The following GPR158 variants were observed in gnomAD, a reference collection of about 807,000 sequenced individuals.
GPR158 encodes the protein metabotropic glycine receptor.
GPR158 carries 30 observed loss-of-function variants against 78.2 expected under a neutral mutation model. The observed-to-expected ratio is 0.38, with a 90% CI of 0.29 to 0.52. The LOEUF (loss-of-function observed/expected upper bound fraction) is 0.52, where lower values mean the gene tolerates loss of function less well. Among genes scored for constraint, GPR158 ranks in the 20% least tolerant of loss-of-function variants. The pLI is 0.83. For missense variants in GPR158, 1,463 were observed against 1,523.5 expected (o/e 0.96, Z 0.66); for synonymous variants, 581 against 591.1 (o/e 0.98, Z 0.25).
chr10:25,543,666 A>G (rs1014933397), intron 5 of GPR158, among the ~76,000 whole-genome samples: 1 of 151,864 alleles, frequency 6.6e-6, no homozygotes, highest in Non-Finnish European at 1.5e-5. Flanking sequence ...ATCATTCCAT[A>G]CTCTATGTCC....
At chr10:25,216,318 G>T (rs2765707) in intron 1 of GPR158, among the ~76,000 whole-genome samples, 30,749 of 152,104 alleles carry the variant, frequency 0.2, 4,775 homozygotes, top group African/African-American at 0.43. Context: ...ACTGTCCATT[G>T]TTTTGTAGTG....
At chr10:25,534,587 A>C (rs1000297261) in intron 5 of GPR158, among the ~76,000 whole-genome samples, 1 of 83,190 alleles carries the variant, frequency 1.2e-5, no homozygotes, top group Non-Finnish European at 2.0e-5. Flanking sequence ...CTAAAAATGC[A>C]AAAAAAAAAA....
At chr10:25,551,766 T>C (rs1400082312) in intron 6 of GPR158, among the ~76,000 whole-genome samples, 1 of 152,124 alleles carries the variant, frequency 6.6e-6, no homozygotes, top group African/African-American at 2.4e-5. Context: ...AAAGAAAGTC[T>C]CAATTAAGTG....
At chr10:25,226,671 T>G (rs1853376672) in intron 2 of GPR158, among the ~76,000 whole-genome samples, 2 of 152,214 alleles carry the variant, frequency 1.3e-5, no homozygotes, top group Non-Finnish European at 2.9e-5. Context: ...ATTACTAGTG[T>G]GAAATGTGGT....
At chr10:25,484,586 A>T (rs999810254) in intron 5 of GPR158, among the ~76,000 whole-genome samples, 1 of 152,174 alleles carries the variant, frequency 6.6e-6, no homozygotes, top group African/African-American at 2.4e-5. Flanking sequence ...TGACAGTGAG[A>T]CAGTTTGAGT....
chr10:25,216,029 C>T (rs1175473456), intron 1 of GPR158, among the ~76,000 whole-genome samples: 1 of 152,222 alleles, frequency 6.6e-6, no homozygotes, highest in Non-Finnish European at 1.5e-5. Flanking sequence ...CCTCCAATAA[C>T]ATTTTCTTCA....
At chr10:25,332,061 G>T (rs979276126) in intron 2 of GPR158, among the ~76,000 whole-genome samples, 3 of 151,986 alleles carry the variant, frequency 2.0e-5, no homozygotes, top group African/African-American at 7.3e-5. Flanking sequence ...ATGCTGTATG[G>T]CTCTGTGATG....
chr10:25,354,222 G>A (rs1164849541), intron 2 of GPR158, among the ~76,000 whole-genome samples: 1 of 151,900 alleles, frequency 6.6e-6, no homozygotes, highest in Non-Finnish European at 1.5e-5. Flanking sequence ...AGGCGTGGTG[G>A]CTCATGCCTG....
At chr10:25,431,510 T>C (rs1834905204) in intron 4 of GPR158, among the ~76,000 whole-genome samples, 1 of 143,414 alleles carries the variant, frequency 7.0e-6, no homozygotes, top group South Asian at 2.4e-4. Flanking sequence ...CATTACTGGG[T>C]ATATACCCAA....
intron 3 of GPR158, among the ~76,000 whole-genome samples, chr10:25,409,568 C>T (rs574850099): frequency 6.6e-6 from 1 of 152,222 alleles, no homozygotes; most frequent in African/African-American, 2.4e-5. Flanking sequence ...CTTCTTTCTG[C>T]TAAAAAACAA....
chr10:25,282,854 T>C lies in GPR158; in HGVS notation c.1008+61697T>C, dbSNP rs187417473. The stretch of plus-strand genomic sequence containing the variant: ...TTTCTTATGAATTATCTGAGTTCTT[T>C]GTATATGCTAAATATTCTTATTTGT... On this transcript the variant is annotated intron_variant, in intron 2 of 10. Transcript: ENST00000376351. Among the ~76,000 whole-genome samples the C allele has an allele frequency of 5.4e-3, 824 of 152,276 alleles. 5 individuals are homozygous for C. Among genetic ancestry groups the C allele is most frequent in the Middle Eastern group, 0.031 (9 of 294 alleles).
intron 4 of GPR158, among the ~76,000 whole-genome samples, chr10:25,427,926 C>T (rs1264975782): frequency 6.6e-6 from 1 of 151,982 alleles, no homozygotes; most frequent in Non-Finnish European, 1.5e-5. Context: ...TGAATTTAAA[C>T]CTGTCTGACT....
At chr10:25,241,061 G>A (rs1262884808) in intron 2 of GPR158, among the ~76,000 whole-genome samples, 1 of 151,938 alleles carries the variant, frequency 6.6e-6, no homozygotes, top group East Asian at 1.9e-4. Flanking sequence ...ATTTCCTAAA[G>A]AGGTTTTGTT....
chr10:25,478,958 C>T (rs1055074211), intron 5 of GPR158, among the ~76,000 whole-genome samples: 2 of 152,008 alleles, frequency 1.3e-5, no homozygotes, highest in African/African-American at 4.8e-5. Context: ...CATCCATGTC[C>T]CTACAAAGGA....
intron 4 of GPR158, among the ~76,000 whole-genome samples, chr10:25,429,624 A>G (rs1290588647): frequency 3.3e-5 from 5 of 152,010 alleles, no homozygotes; most frequent in Admixed American, 2.6e-4. Flanking sequence ...AAATACTGGC[A>G]AACTGAATCC....
intron 5 of GPR158, among the ~76,000 whole-genome samples, chr10:25,531,554 C>G (rs1206760015): frequency 6.6e-6 from 1 of 152,126 alleles, no homozygotes; most frequent in African/African-American, 2.4e-5. Context: ...AGAAAGTGTC[C>G]TCTCGAAAGA....
At chr10:25,398,943 T>G (rs1186094698) in intron 3 of GPR158, among the ~76,000 whole-genome samples, 2 of 152,166 alleles carry the variant, frequency 1.3e-5, no homozygotes, top group African/African-American at 4.8e-5. Flanking sequence ...CATGGCCTGT[T>G]AGGAACCAGG....
chr10:25,198,209 T>C (rs1349740492), intron 1 of GPR158, among the ~76,000 whole-genome samples: 1 of 152,202 alleles, frequency 6.6e-6, no homozygotes, highest in Non-Finnish European at 1.5e-5. Flanking sequence ...TATATATTTA[T>C]TGACTTTATC....
Position 25,175,770 on chromosome 10 carries a change from G to A in GPR158, c.350G>A (p.Ser117Asn). The change falls in exon 1 of 11, where the codon AGC becomes AAC. Residue 117 changes from serine to asparagine, a missense_variant. Transcript: ENST00000376351. This position sits in a 1 kb window ranked among gnomAD's most constrained non-coding sequence, Gnocchi z 6.4. The part of the protein sequence containing the change: ...GLPGKWPALA[S>N]AHPSLHRALD... ...CCGGGGAAGTGGCCAGCCCTGGCCAGCGCGCACCCCTCCTTGCACCGGGCG... is the reference window on the plus strand; with the variant it reads ...CCGGGGAAGTGGCCAGCCCTGGCCAACGCGCACCCCTCCTTGCACCGGGCG... 1 of 1,611,264 alleles carries A rather than the reference G, an allele frequency of 6.2e-7. No individual in the cohort carries two copies. Among genetic ancestry groups the A allele is most frequent in the South Asian group, 1.1e-5 (1 of 91,082 alleles).
Sources: gnomAD v4.1 joint callset for allele counts (sites outside exome capture counted in the v4.1 genomes callset) on GRCh38, gnomAD v4.1.1 for gene constraint, Gnocchi (gnomAD v3.1) non-coding constraint, MANE v1.5 for transcripts, NCBI Gene and HGNC (gene_info 2026-07-23, HGNC 2026-07-21) for gene names.